Variants in TANC2 observed in about 807,000 individuals in gnomAD.
The protein encoded by TANC2 is tetratricopeptide repeat, ankyrin repeat and coiled-coil containing 2.
Under a neutral mutation model 210.5 loss-of-function variants are expected in TANC2, and 26 were observed. The ratio of observed to expected loss-of-function variants is 0.12; its 90% confidence interval spans 0.09 to 0.17. The LOEUF is 0.17. Ranked by LOEUF, TANC2 falls within the 10% of genes least tolerant of loss-of-function variation. TANC2 has a pLI of 1.00. For missense variants in TANC2, 2,129 were observed against 2,608.9 expected (o/e 0.82, Z 4.01); for synonymous variants, 931 against 967.1 (o/e 0.96, Z 0.69).
At chr17:63,362,599 G>A (rs535452680) in intron 14 of TANC2, among the ~76,000 whole-genome samples, 12 of 152,180 alleles carry the variant, frequency 7.9e-5, no homozygotes, top group African/African-American at 2.4e-4. Flanking sequence ...TCCCATGCTC[G>A]TCAGCACCCA....
intron 2 of TANC2, among the ~76,000 whole-genome samples, chr17:63,043,583 T>C (rs2035271909): frequency 6.6e-6 from 1 of 152,144 alleles, no homozygotes; most frequent in South Asian, 2.1e-4. Context: ...CTTTGAACTC[T>C]TTCATCATCT....
intron 9 of TANC2, among the ~76,000 whole-genome samples, chr17:63,287,956 C>A (rs537396794): frequency 2.0e-5 from 3 of 152,152 alleles, no homozygotes; most frequent in Admixed American, 6.6e-5. Context: ...GGATTACAGG[C>A]GTGAGCCACT....
chr17:63,353,822 G>A (rs935207935), intron 13 of TANC2, among the ~76,000 whole-genome samples: 2 of 152,250 alleles, frequency 1.3e-5, no homozygotes, highest in Admixed American at 6.5e-5. Flanking sequence ...AAATATTGCC[G>A]AGAGGTTGAG....
chr17:63,118,085 C>A (rs1400156398), intron 4 of TANC2, among the ~76,000 whole-genome samples: 1 of 152,074 alleles, frequency 6.6e-6, no homozygotes, highest in Admixed American at 6.5e-5. Context: ...GATTGCAATT[C>A]CAGAATAGAG....
chr17:62,981,582 G>C (rs2032304033), intron 1 of TANC2, among the ~76,000 whole-genome samples: 1 of 151,988 alleles, frequency 6.6e-6, no homozygotes, highest in Non-Finnish European at 1.5e-5. Flanking sequence ...TGTATCTCCT[G>C]GTTCATTGTA....
At chr17:63,415,592 G>C in exon 26 of TANC2, 1 of 1,613,774 alleles carries the variant, frequency 6.2e-7, no homozygotes. Flanking sequence ...CCTAGAGAAG[G>C]GTTTGGTGAG....
intron 7 of TANC2, among the ~76,000 whole-genome samples, chr17:63,225,175 A>G (rs771041162): frequency 2.0e-5 from 3 of 152,184 alleles, no homozygotes; most frequent in Non-Finnish European, 4.4e-5. Context: ...GGTATTATCT[A>G]GATCACCTCC....
In TANC2 at chr17:63,270,212, A is replaced by G. The variant is rs1056429492; in HGVS notation, c.1159+2339A>G. ...GTCCCTGAACAATAATCCTCTCTCA[A>G]AAAGTAACATGTTATCTTAATTATT... On this transcript the variant is annotated intron_variant, in intron 9 of 27. Transcript: ENST00000689528. Among the ~76,000 whole-genome samples the G allele has an allele frequency of 2.6e-5, 4 of 152,152 alleles. No homozygotes were observed. In the East Asian group the frequency reaches 7.7e-4, roughly 29 times the overall value.
At chr17:63,145,547 CT>C (rs1387025933) in intron 4 of TANC2, among the ~76,000 whole-genome samples, 9 of 151,994 alleles carry the variant, frequency 5.9e-5, no homozygotes, top group Non-Finnish European at 1.2e-4. Flanking sequence ...AATTTTAGCT[CT>C]TATTTTTAGG....
chr17:63,008,719 C>T (rs544342220), intron 1 of TANC2, among the ~76,000 whole-genome samples: 3 of 152,044 alleles, frequency 2.0e-5, no homozygotes, highest in African/African-American at 7.2e-5. Flanking sequence ...AGAGAGTTTT[C>T]CTTTGGTAGG....
chr17:63,027,022 G>T (rs2034581755), intron 2 of TANC2, among the ~76,000 whole-genome samples: 2 of 152,084 alleles, frequency 1.3e-5, no homozygotes, highest in African/African-American at 4.8e-5. Flanking sequence ...CCCATTTAAA[G>T]GAAGTTCATT....
At chr17:63,284,702 GA>G (rs1307042969) in intron 9 of TANC2, among the ~76,000 whole-genome samples, 1 of 151,796 alleles carries the variant, frequency 6.6e-6, no homozygotes, top group Non-Finnish European at 1.5e-5. Flanking sequence ...ATATGCAATT[GA>G]AAAGAATTTG....
At chr17:62,992,676 A>T (rs940313353) in intron 1 of TANC2, among the ~76,000 whole-genome samples, 3 of 152,246 alleles carry the variant, frequency 2.0e-5, no homozygotes, top group African/African-American at 7.2e-5. Flanking sequence ...TTGGATCACC[A>T]CATTAATAGT....
rs1599098224 is a variant in TANC2 at position 63,421,893 on chromosome 17, T to A, written c.6163T>A (p.Ser2055Thr). The A allele has an allele frequency of 1.2e-6, 2 of 1,613,960 alleles. No homozygotes were observed. The highest frequency in any genetic ancestry group is 1.1e-5 in the South Asian group (1 of 91,064). Residue 2055 changes from serine to threonine, a missense_variant, in exon 28 of 28, where the codon TCT (serine) becomes ACT (threonine). Physicochemically the swap from Ser to Thr is moderately conservative, Grantham distance 58. This residue lies in a region of TANC2 where 161 missense variants were observed against 178.6 expected (regional missense o/e 0.90). Coordinates refer to ENST00000689528, the Ensembl canonical transcript of TANC2. This position sits in a 1 kb window ranked among gnomAD's most constrained non-coding sequence, Gnocchi z 6.9. ...CCTGTACAGGCAGCTGTCCCGAGAC[T>A]CTCGGCAAGGGCAGACATCCCCTAT...
At chr17:63,274,697 A>G (rs1438831279) in intron 9 of TANC2, among the ~76,000 whole-genome samples, 1 of 152,108 alleles carries the variant, frequency 6.6e-6, no homozygotes. Flanking sequence ...GTGGGCCCAT[A>G]GTCCCAGCTA....
chr17:63,161,988 T>G (rs1359058499), intron 5 of TANC2, among the ~76,000 whole-genome samples: 2 of 152,164 alleles, frequency 1.3e-5, no homozygotes, highest in Non-Finnish European at 2.9e-5. Flanking sequence ...GACAAGCCAC[T>G]TTGGTAGAAT....
At chr17:63,341,755 T>C (rs1477428240) in intron 12 of TANC2, among the ~76,000 whole-genome samples, 2 of 152,210 alleles carry the variant, frequency 1.3e-5, no homozygotes, top group Non-Finnish European at 2.9e-5. Flanking sequence ...AGATAAAGTT[T>C]TATAAAACAC....
chr17:62,983,126 C>A (rs1276768212), intron 1 of TANC2, among the ~76,000 whole-genome samples: 5 of 152,018 alleles, frequency 3.3e-5, no homozygotes, highest in African/African-American at 9.7e-5. Flanking sequence ...CAATTTTGTT[C>A]ATCAGTATTT....
chr17:63,154,530 T>G (rs1266919668), intron 5 of TANC2: 1 of 152,152 alleles, frequency 6.6e-6, no homozygotes, highest in African/African-American at 2.4e-5. Context: ...ACAGTATTAC[T>G]TATTAGGTGT....
Sources: allele counts gnomAD v4.1 joint callset (sites outside exome capture counted in the v4.1 genomes callset), GRCh38; gene constraint gnomAD v4.1.1; regional missense constraint gnomAD v4.1.1; non-coding constraint Gnocchi (gnomAD v3.1); transcripts MANE v1.5; gene names NCBI Gene and HGNC (gene_info 2026-07-23, HGNC 2026-07-21).